Variants in ADCY3 observed in about 807,000 individuals in gnomAD.
ADCY3 encodes the protein adenylate cyclase type 3.
Under a neutral mutation model 119.4 loss-of-function variants are expected in ADCY3, and 70 were observed. That is an observed-to-expected ratio of 0.59 (90% CI 0.48 to 0.72). The LOEUF (loss-of-function observed/expected upper bound fraction) is 0.72. Among genes scored for constraint, ADCY3 ranks in the 30% least tolerant of loss-of-function variants. ADCY3 has a pLI of 0.00. For missense variants in ADCY3, 1,238 were observed against 1,541.6 expected, an observed-to-expected ratio of 0.80 and a Z score of 3.30; for synonymous variants, 672 against 621.4, an observed-to-expected ratio of 1.08 and a Z score of -1.21.
chr2:24,847,247 C>T (rs559788666), intron 3 of ADCY3, among the ~76,000 whole-genome samples: 1 of 152,306 alleles, frequency 6.6e-6, no homozygotes, highest in Non-Finnish European at 1.5e-5. Context: ...TTTTGCTTCT[C>T]ATTTCCTCTT....
chr2:24,897,393 C>G (rs1205210608), intron 2 of ADCY3, among the ~76,000 whole-genome samples: 1 of 152,152 alleles, frequency 6.6e-6, no homozygotes, highest in Non-Finnish European at 1.5e-5. Context: ...AAGCCCCCTG[C>G]CCTTGGCATA....
intron 3 of ADCY3, among the ~76,000 whole-genome samples, chr2:24,849,141 G>A (rs2148639558): frequency 6.6e-6 from 1 of 152,356 alleles, no homozygotes; most frequent in African/African-American, 2.4e-5. Context: ...TGCAGCCACA[G>A]CCCACACAGG....
At chr2:24,829,713 C>A (rs115583825) in intron 13 of ADCY3, among the ~76,000 whole-genome samples, 2 of 151,348 alleles carry the variant, frequency 1.3e-5, no homozygotes, top group East Asian at 3.9e-4. Flanking sequence ...TGAGCCACTG[C>A]GCCCGGCACC....
At position 24,918,170 on chromosome 2, in the gene ADCY3, G is replaced by A; in HGVS notation, c.675+143C>T. 1 of 897,908 alleles carries A rather than the reference G, an allele frequency of 1.1e-6. No homozygotes were observed. The highest frequency in any genetic ancestry group is 1.7e-6 in the Non-Finnish European group (1 of 591,450). The allele number at this position is 897,908 out of a possible 1,614,324, so 55.6% of individuals were successfully genotyped here. ...TAATGGCACAGGGGTGAAAAGGCAGGGACTAGGGAGAGAGGTGAGAGCCCC... is the reference window on the plus strand; with the variant it reads ...TAATGGCACAGGGGTGAAAAGGCAGAGACTAGGGAGAGAGGTGAGAGCCCC... On this transcript the variant is annotated intron_variant, in intron 2 of 21. Coordinates refer to ENST00000679454, the MANE Select transcript of ADCY3 (RefSeq NM_004036.5). The surrounding 1 kb of genome is among the most constrained non-coding windows in gnomAD (Gnocchi z 5.4).
intron 7 of ADCY3, 116 bp downstream of exon 7, chr2:24,839,757 T>G: frequency 2.8e-6 from 4 of 1,438,604 alleles, no homozygotes; most frequent in South Asian, 1.2e-5. Context: ...TGTTCCGGGG[T>G]TGTAGGGAGG....
intron 9 of ADCY3, among the ~76,000 whole-genome samples, chr2:24,836,261 A>G (rs1056426946): frequency 2.0e-5 from 3 of 151,940 alleles, no homozygotes; most frequent in African/African-American, 7.3e-5. Context: ...CTCAAGAAAA[A>G]CCTAATTTAC....
chr2:24,914,778 T>A (rs1317123701), intron 2 of ADCY3, among the ~76,000 whole-genome samples: 1 of 150,728 alleles, frequency 6.6e-6, no homozygotes, highest in African/African-American at 2.4e-5. Flanking sequence ...TCTCAGAACA[T>A]CCTCCCCGCC....
At chr2:24,840,603 TG>T in intron 6 of ADCY3, 1 of 457,840 alleles carries the variant, frequency 2.2e-6, no homozygotes, top group Non-Finnish European at 4.5e-6. Context: ...CTCCATCCCA[TG>T]GGGGAGGGGC....
intron 3 of ADCY3, among the ~76,000 whole-genome samples, chr2:24,847,638 C>T (rs1671803287): frequency 6.6e-6 from 1 of 152,180 alleles, no homozygotes; most frequent in African/African-American, 2.4e-5. Flanking sequence ...TGAGAGGATG[C>T]CCAATGCAAA....
chr2:24,875,605 C>T (rs1273862416), intron 2 of ADCY3, among the ~76,000 whole-genome samples: 1 of 152,214 alleles, frequency 6.6e-6, no homozygotes, highest in Non-Finnish European at 1.5e-5. Flanking sequence ...GCTCACGCAG[C>T]GACGGGAGGC....
intron 3 of ADCY3, among the ~76,000 whole-genome samples, chr2:24,852,243 C>T (rs931059316): frequency 3.3e-5 from 5 of 152,158 alleles, no homozygotes; most frequent in Non-Finnish European, 5.9e-5. Flanking sequence ...TCTCCCAGCA[C>T]CCCGGTCCGC....
At chr2:24,915,827 C>T (rs1423613917) in intron 2 of ADCY3, among the ~76,000 whole-genome samples, 1 of 152,204 alleles carries the variant, frequency 6.6e-6, no homozygotes, top group Non-Finnish European at 1.5e-5. Context: ...AGGCATGAGC[C>T]ACCATGCCCG....
intron 2 of ADCY3, among the ~76,000 whole-genome samples, chr2:24,896,762 T>TTC (rs1466344657): frequency 6.6e-6 from 1 of 152,078 alleles, no homozygotes; most frequent in Non-Finnish European, 1.5e-5. Context: ...CTTTCCAGCT[T>TTC]CTTCCTTTTA....
chr2:24,825,970 T>C, intron 16 of ADCY3, 75 bp downstream of exon 16: 3 of 1,443,360 alleles, frequency 2.1e-6, no homozygotes, highest in Non-Finnish European at 2.9e-6. Context: ...CTTGGGCTCT[T>C]AGGTCCCAGG....
chr2:24,835,353 G>A (rs1465656957), intron 9 of ADCY3, among the ~76,000 whole-genome samples: 1 of 152,166 alleles, frequency 6.6e-6, no homozygotes, highest in Admixed American at 6.5e-5. Context: ...CAACTCTAGG[G>A]CTTCAGGGAA....
intron 2 of ADCY3, among the ~76,000 whole-genome samples, chr2:24,907,413 T>C (rs1343435724): frequency 6.6e-6 from 1 of 152,066 alleles, no homozygotes; most frequent in South Asian, 2.1e-4. Flanking sequence ...AAGAGAGGGG[T>C]AGATTTCTTC....
intron 2 of ADCY3, among the ~76,000 whole-genome samples, chr2:24,916,268 A>G (rs1214290438): frequency 6.6e-6 from 1 of 152,244 alleles, no homozygotes; most frequent in African/African-American, 2.4e-5. Flanking sequence ...GCCCCGGCCC[A>G]GCCCTGTGGC....
At chr2:24,870,282 C>T (rs13019149) in intron 3 of ADCY3, among the ~76,000 whole-genome samples, 74,318 of 145,792 alleles carry the variant, frequency 0.51, 20,974 homozygotes, top group African/African-American at 0.77. Flanking sequence ...GATTGTGCCA[C>T]TGCACTCTAG....
rs1258822648 is a variant in ADCY3 at position 24,872,792 on chromosome 2, G to A, written c.676-73C>T. On this transcript the variant is annotated intron_variant, in intron 2 of 21. Transcript: ENST00000679454. This position sits in a 1 kb window ranked among gnomAD's most constrained non-coding sequence, Gnocchi z 4.4. ...CTTCAGAAAAGGGGATGGAGAAGGG[G>A]ATGGAGGAGGTGGGGTGGGTGGTGA... The A allele has an allele frequency of 6.4e-7, 1 of 1,557,072 alleles. No homozygotes were observed. The highest frequency in any genetic ancestry group is 8.8e-7 in the Non-Finnish European group (1 of 1,142,112).
Sources: allele counts gnomAD v4.1 joint callset (sites outside exome capture counted in the v4.1 genomes callset), GRCh38; gene constraint gnomAD v4.1.1; non-coding constraint Gnocchi (gnomAD v3.1); transcripts MANE v1.5; gene names NCBI Gene and HGNC (gene_info 2026-07-23, HGNC 2026-07-21).